EXOC6B: variants seen among roughly 807,000 people sequenced by gnomAD.
The protein encoded by EXOC6B is exocyst complex component 6B.
In EXOC6B, 54 loss-of-function variants were observed where a neutral mutation model predicts 113.5. The ratio of observed to expected loss-of-function variants is 0.48; its 90% CI spans 0.38 to 0.60. The LOEUF (loss-of-function observed/expected upper bound fraction) is 0.60, where lower values mean the gene tolerates loss of function less well. EXOC6B is among the 20% of genes least tolerant of loss of function. The pLI is 0.00. For missense variants in EXOC6B, 797 were observed against 977.5 expected, an observed-to-expected ratio of 0.82 and a Z score of 2.46; for synonymous variants, 357 against 339.0, an observed-to-expected ratio of 1.05 and a Z score of -0.58.
intron 20 of EXOC6B, among the ~76,000 whole-genome samples, chr2:72,228,803 A>G (rs1161243541): frequency 6.6e-6 from 1 of 152,144 alleles, no homozygotes; most frequent in Non-Finnish European, 1.5e-5. Flanking sequence ...GCTGGGTCCA[A>G]TGGTATTTCT....
At position 72,786,049 on chromosome 2, in the gene EXOC6B, C is replaced by T. The variant is rs540103624; in HGVS notation, c.113+39749G>A. On this transcript the variant is annotated intron_variant, in intron 1 of 21. Coordinates refer to ENST00000272427, the MANE Select transcript of EXOC6B (RefSeq NM_015189.3). ...GATCAGCCTGGGCAAGACAGCAAGACCTTGTCTTCACTAAAAATAAAATAA... is the reference window on the plus strand; with the variant it reads ...GATCAGCCTGGGCAAGACAGCAAGATCTTGTCTTCACTAAAAATAAAATAA... 7.2e-5 allele frequency among the ~76,000 whole-genome samples: 11 copies of T among 152,160 alleles called. 1 individual carries two copies. In the South Asian group the frequency reaches 2.3e-3, roughly 32 times the overall value.
intron 6 of EXOC6B, among the ~76,000 whole-genome samples, chr2:72,592,333 A>G (rs1706023212): frequency 6.6e-6 from 1 of 152,166 alleles, no homozygotes; most frequent in South Asian, 2.1e-4. Context: ...ATTAGAAAAT[A>G]GACACAAAAG....
chr2:72,433,171 T>G (rs1218074944), intron 18 of EXOC6B, among the ~76,000 whole-genome samples: 1 of 152,236 alleles, frequency 6.6e-6, no homozygotes, highest in African/African-American at 2.4e-5. Context: ...AGGGAATCCT[T>G]TCCCCATTGC....
intron 6 of EXOC6B, among the ~76,000 whole-genome samples, chr2:72,603,093 G>GTT (rs970041225): frequency 2.2e-5 from 3 of 136,506 alleles, no homozygotes; most frequent in African/African-American, 5.3e-5. Flanking sequence ...TTTTTTGGTT[G>GTT]TTTTTTTTTT....
intron 20 of EXOC6B, among the ~76,000 whole-genome samples, chr2:72,282,164 T>C (rs1228833559): frequency 6.6e-6 from 1 of 152,028 alleles, no homozygotes; most frequent in Admixed American, 6.6e-5. Flanking sequence ...TTTTAAAATA[T>C]GAAAAGCAAC....
Position 72,678,899 on chromosome 2 carries a change from A to G in EXOC6B, c.669+39204T>C, listed in dbSNP as rs547881605. 1.2e-3 allele frequency among the ~76,000 whole-genome samples: 177 copies of G among 152,346 alleles called. 1 individual carries two copies. Among genetic ancestry groups the G allele is most frequent in the Middle Eastern group, 6.8e-3 (2 of 294 alleles). ...TTGTTTTGTAATCTACTAGGATTTC[A>G]TAAGACACAAAGAAAAAATACCTCA... On this transcript the variant is annotated intron_variant, in intron 6 of 21. Transcript: ENST00000272427.
intron 2 of EXOC6B, among the ~76,000 whole-genome samples, chr2:72,735,335 A>T (rs942562407): frequency 6.6e-6 from 1 of 152,160 alleles, no homozygotes; most frequent in Admixed American, 6.5e-5. Context: ...ACACACACAC[A>T]ATTTTCAAGA....
At chr2:72,454,564 G>GT (rs891538740) in intron 18 of EXOC6B, among the ~76,000 whole-genome samples, 1 of 152,110 alleles carries the variant, frequency 6.6e-6, no homozygotes, top group Non-Finnish European at 1.5e-5. Context: ...ATGAAAATTT[G>GT]TAAGTGTGGA....
chr2:72,304,656 G>A (rs984511614), intron 20 of EXOC6B, among the ~76,000 whole-genome samples: 1 of 152,184 alleles, frequency 6.6e-6, no homozygotes, highest in Admixed American at 6.5e-5. Context: ...ACAGCAGAAA[G>A]TCAACTCAAA....
chr2:72,245,421 TCACC>T (rs72083229), intron 20 of EXOC6B, among the ~76,000 whole-genome samples: 69,394 of 151,748 alleles, frequency 0.46, 20,869 homozygotes, highest in African/African-American at 0.86. Flanking sequence ...CAACTGGACA[TCACC>T]CCACATGTAT....
intron 20 of EXOC6B, among the ~76,000 whole-genome samples, chr2:72,207,309 T>G (rs1421938488): frequency 6.6e-6 from 1 of 152,200 alleles, no homozygotes; most frequent in Non-Finnish European, 1.5e-5. Flanking sequence ...CCTTAGGGAA[T>G]AGTGTGAGTT....
intron 8 of EXOC6B, among the ~76,000 whole-genome samples, chr2:72,558,144 G>C (rs1558794308): frequency 6.6e-6 from 1 of 151,952 alleles, no homozygotes; most frequent in Non-Finnish European, 1.5e-5. Flanking sequence ...ATTTAAACCT[G>C]TGAGACATAC....
At chr2:72,609,430 G>GT (rs1558841174) in intron 6 of EXOC6B, among the ~76,000 whole-genome samples, 2 of 151,562 alleles carry the variant, frequency 1.3e-5, no homozygotes, top group Non-Finnish European at 2.9e-5. Context: ...ACTGAAAAAC[G>GT]TAATATCTGA....
intron 20 of EXOC6B, among the ~76,000 whole-genome samples, chr2:72,243,486 C>T (rs1682456815): frequency 6.6e-6 from 1 of 152,118 alleles, no homozygotes; most frequent in African/African-American, 2.4e-5. Flanking sequence ...AGCAAACTAT[C>T]GCAAGGACAG....
intron 2 of EXOC6B, 28 bp from the exon 3 acceptor site, chr2:72,733,146 TA>T: frequency 6.7e-7 from 1 of 1,501,932 alleles, no homozygotes; most frequent in Non-Finnish European, 9.2e-7. Flanking sequence ...TTTAAACTCA[TA>T]AAAAACAAAC....
intron 20 of EXOC6B, among the ~76,000 whole-genome samples, chr2:72,250,471 T>C (rs1682941662): frequency 6.6e-6 from 1 of 152,070 alleles, no homozygotes; most frequent in Non-Finnish European, 1.5e-5. Flanking sequence ...TCCTCCTGAG[T>C]AGCTGGGACT....
At chr2:72,594,033 T>G (rs1167328739) in intron 6 of EXOC6B, among the ~76,000 whole-genome samples, 1 of 152,122 alleles carries the variant, frequency 6.6e-6, no homozygotes, top group Non-Finnish European at 1.5e-5. Context: ...CAGGCTGGAG[T>G]GCAGTGACAT....
intron 6 of EXOC6B, among the ~76,000 whole-genome samples, chr2:72,618,283 C>T (rs1020958591): frequency 1.3e-5 from 2 of 151,992 alleles, no homozygotes; most frequent in South Asian, 2.1e-4. Flanking sequence ...ACAGGAGAAT[C>T]GTTTGAACCC....
At chr2:72,674,414 A>G (rs923894344) in intron 6 of EXOC6B, among the ~76,000 whole-genome samples, 5 of 152,254 alleles carry the variant, frequency 3.3e-5, no homozygotes, top group Non-Finnish European at 7.3e-5. Flanking sequence ...TGCTATCTGA[A>G]CATTCAGTGT....
Sources: gnomAD v4.1 joint callset for allele counts (sites outside exome capture counted in the v4.1 genomes callset) on GRCh38, gnomAD v4.1.1 for gene constraint, MANE v1.5 for transcripts, NCBI Gene and HGNC (gene_info 2026-07-23, HGNC 2026-07-21) for gene names.